FGF12: variants seen among roughly 807,000 people sequenced by gnomAD.
FGF12 encodes the protein fibroblast growth factor 12.
In FGF12, 14 loss-of-function variants were observed where a neutral mutation model predicts 23.6. The ratio of observed to expected loss-of-function variants is 0.59; its 90% CI spans 0.39 to 0.93. The LOEUF is 0.93. Among genes scored for constraint, FGF12 ranks in the 40% least tolerant of loss-of-function variants. The pLI is 0.00. For missense variants in FGF12, 175 were observed against 217.8 expected (o/e 0.80, Z 1.24); for synonymous variants, 62 against 77.3 (o/e 0.80, Z 1.04).
chr3:192,224,569 T>A (rs887098400), intron 4 of FGF12, among the ~76,000 whole-genome samples: 14 of 152,078 alleles, frequency 9.2e-5, no homozygotes, highest in Admixed American at 2.0e-4. Flanking sequence ...ACTTTTTTTT[T>A]AATTTGGGCT....
intron 2 of FGF12, among the ~76,000 whole-genome samples, chr3:192,482,233 A>G (rs903470709): frequency 6.6e-6 from 1 of 152,208 alleles, no homozygotes; most frequent in Admixed American, 6.5e-5. Flanking sequence ...GAGAAAAAAT[A>G]TAAACATATT....
chr3:192,727,483 C>G lies in FGF12; in HGVS notation c.-131+1G>C. ...TCAGATTTTTTTTTTTTTTTTTTTACCTGGGTCTGGAAGCTGCAGGCAGGA... is the reference window on the plus strand; with the variant it reads ...TCAGATTTTTTTTTTTTTTTTTTTAGCTGGGTCTGGAAGCTGCAGGCAGGA... On this transcript the variant is annotated splice_donor_variant, in intron 1 of 5. Transcript: ENST00000445105. LOFTEE classifies it low-confidence loss of function (5UTR_SPLICE). 1 of 561,320 alleles carries G rather than the reference C, an allele frequency of 1.8e-6. No homozygotes were observed. The highest frequency in any genetic ancestry group is 2.8e-6 in the Non-Finnish European group (1 of 352,210). The allele number at this position is 561,320 out of a possible 1,614,324, so 34.8% of individuals were successfully genotyped here.
At position 192,141,127 on chromosome 3, in the gene FGF12, C is replaced by CAA. The variant is rs1396299359; in HGVS notation, c.*2881_*2882insTT. ...TCCTGGGAAAAATCCCAATGCAACTCCAAAAAAAAAAAAAAAAAAAAAAAA... is the reference window on the plus strand; with the variant it reads ...TCCTGGGAAAAATCCCAATGCAACTCAACAAAAAAAAAAAAAAAAAAAAAAAA... On this transcript the variant is annotated 3_prime_UTR_variant, in exon 6 of 6. Transcript: ENST00000445105. 2.3e-4 allele frequency: 5 copies of CAA among 21,860 alleles called. No homozygotes were observed. The highest frequency in any genetic ancestry group is 3.5e-3 in the East Asian group (2 of 564). 1.4% of individuals were successfully genotyped at this position (21,860 alleles called of 1,614,324 possible). A position where few individuals can be genotyped will look rare whatever the true frequency, so the allele number is the denominator to read the frequency against.
intron 2 of FGF12, among the ~76,000 whole-genome samples, chr3:192,589,757 T>C (rs1560161407): frequency 6.6e-6 from 1 of 151,938 alleles, no homozygotes. Flanking sequence ...GCAATCTCCT[T>C]TAGTCCCTCA....
At chr3:192,330,390 A>G (rs1717045429) in intron 4 of FGF12, among the ~76,000 whole-genome samples, 1 of 152,158 alleles carries the variant, frequency 6.6e-6, no homozygotes, top group African/African-American at 2.4e-5. Flanking sequence ...ACAAACACCA[A>G]TGGAACACAA....
At chr3:192,723,093 T>A (rs1719091604) in intron 2 of FGF12, among the ~76,000 whole-genome samples, 2 of 152,090 alleles carry the variant, frequency 1.3e-5, no homozygotes, top group Middle Eastern at 3.2e-3. Flanking sequence ...TTGATTTAAG[T>A]AGTCAAATAT....
chr3:192,466,201 C>T (rs1377748424), intron 2 of FGF12, among the ~76,000 whole-genome samples: 2 of 152,142 alleles, frequency 1.3e-5, no homozygotes, highest in African/African-American at 2.4e-5. Context: ...TATCTAAACA[C>T]AGAAAACATA....
intron 2 of FGF12, among the ~76,000 whole-genome samples, chr3:192,522,211 AC>A (rs747852181): frequency 6.0e-4 from 83 of 139,142 alleles, no homozygotes; most frequent in East Asian, 5.3e-3. Flanking sequence ...AAAAAAAAAA[AC>A]AAAAAAAAAC....
intron 4 of FGF12, among the ~76,000 whole-genome samples, chr3:192,301,159 G>GA (rs973628326): frequency 8.0e-5 from 12 of 150,480 alleles, no homozygotes; most frequent in Non-Finnish European, 1.2e-4. Flanking sequence ...ATATTACTGT[G>GA]AAAAAAAAAG....
chr3:192,493,651 C>T (rs991168301), intron 2 of FGF12, among the ~76,000 whole-genome samples: 4 of 152,064 alleles, frequency 2.6e-5, no homozygotes, highest in African/African-American at 9.7e-5. Context: ...AGGAAACTTA[C>T]AATCACGGCA....
intron 4 of FGF12, among the ~76,000 whole-genome samples, chr3:192,284,111 C>T (rs550610467): frequency 6.6e-6 from 1 of 152,152 alleles, no homozygotes; most frequent in African/African-American, 2.4e-5. Context: ...TAGACACTTG[C>T]CACTAATAAT....
chr3:192,148,388 G>C (rs1190261412), intron 5 of FGF12, among the ~76,000 whole-genome samples: 1 of 152,172 alleles, frequency 6.6e-6, no homozygotes, highest in Non-Finnish European at 1.5e-5. Context: ...ACTTATGTGA[G>C]ATACCCAGAG....
At chr3:192,437,582 C>T (rs1226209050) in intron 2 of FGF12, among the ~76,000 whole-genome samples, 1 of 151,844 alleles carries the variant, frequency 6.6e-6, no homozygotes, top group Non-Finnish European at 1.5e-5. Flanking sequence ...ATCCCACCTA[C>T]TCAGGAAGCT....
chr3:192,375,652 T>C (rs1003324945), intron 2 of FGF12, among the ~76,000 whole-genome samples: 19 of 152,130 alleles, frequency 1.2e-4, no homozygotes, highest in Admixed American at 2.0e-4. Flanking sequence ...TTTTTGCTCA[T>C]CATTATAACC....
chr3:192,299,940 T>C (rs1022431290), intron 4 of FGF12, among the ~76,000 whole-genome samples: 3 of 152,242 alleles, frequency 2.0e-5, no homozygotes, highest in Non-Finnish European at 4.4e-5. Flanking sequence ...TTCATTTCAG[T>C]ACTGAAATTA....
rs1358449720 is a variant in FGF12, at chr3:192,144,568, T to C, written c.428-441A>G. 2.6e-5 allele frequency among the ~76,000 whole-genome samples: 4 copies of C among 152,236 alleles called. 1 individual carries two copies. Among genetic ancestry groups the C allele is most frequent in the Non-Finnish European group, 4.4e-5 (3 of 68,044 alleles). On this transcript the variant is annotated intron_variant, in intron 5 of 5. Transcript: ENST00000445105. ...ATAATGTATCAAACTGAAATATTTATTGCCATTTCCAGGGCATCCTATGTA... is the reference window on the plus strand; with the variant it reads ...ATAATGTATCAAACTGAAATATTTACTGCCATTTCCAGGGCATCCTATGTA...
intron 2 of FGF12, among the ~76,000 whole-genome samples, chr3:192,602,342 G>T (rs540196179): frequency 6.6e-6 from 1 of 152,226 alleles, no homozygotes; most frequent in Admixed American, 6.6e-5. Flanking sequence ...ACAGCTGGCT[G>T]GGTCATGGGT....
rs1334590801 is a variant in FGF12 at position 192,140,427 on chromosome 3, G to A, written c.*3582C>T. 6.6e-6 allele frequency: 1 copy of A among 151,986 alleles called. No individual in the cohort carries two copies. The highest frequency in any genetic ancestry group is 2.4e-5 in the African/African-American group (1 of 41,424). The allele number at this position is 151,986 out of a possible 1,614,324, so 9.4% of individuals were successfully genotyped here. A position where few individuals can be genotyped will look rare whatever the true frequency, so the allele number is the denominator to read the frequency against. Reference sequence around the variant, plus strand: ...AGGCCTTGTAGACTAAGGTATGAGGGTGAAATCGATTTGCTATTTCTGGGT... The same window carrying A: ...AGGCCTTGTAGACTAAGGTATGAGGATGAAATCGATTTGCTATTTCTGGGT... On this transcript the variant is annotated 3_prime_UTR_variant, in exon 6 of 6. Coordinates refer to ENST00000445105, the MANE Select transcript of FGF12 (RefSeq NM_004113.6).
chr3:192,198,666 C>G (rs1161091941), intron 4 of FGF12, among the ~76,000 whole-genome samples: 1 of 152,166 alleles, frequency 6.6e-6, no homozygotes, highest in Non-Finnish European at 1.5e-5. Flanking sequence ...GCTTACAAAT[C>G]TGATGTTCTC....
Sources: allele counts gnomAD v4.1 joint callset (sites outside exome capture counted in the v4.1 genomes callset), GRCh38; gene constraint gnomAD v4.1.1; transcripts MANE v1.5; gene names NCBI Gene and HGNC (gene_info 2026-07-23, HGNC 2026-07-21).